Variants in LAPTM5 observed in about 807,000 individuals in gnomAD.
LAPTM5 encodes the protein lysosomal-associated transmembrane protein 5.
Under a neutral mutation model 30.1 loss-of-function variants are expected in LAPTM5, and 11 were observed. The observed-to-expected ratio is 0.37, with a 90% CI of 0.23 to 0.60. The LOEUF is 0.60. LAPTM5 is among the 20% of genes least tolerant of loss of function. The pLI, the probability that LAPTM5 is intolerant of heterozygous loss-of-function variation, is 0.71. For synonymous variants in LAPTM5, 151 were observed against 137.9 expected (o/e 1.10, Z -0.67); for missense variants, 324 against 332.5 (o/e 0.97, Z 0.20).
chr1:30,741,537 T>TTAAAA, intron 3 of LAPTM5, 103 bp downstream of exon 3: 1 of 722,102 alleles, frequency 1.4e-6, no homozygotes, highest in South Asian at 2.4e-5. Flanking sequence ...TGGGACCGCC[T>TTAAAA]AACATACCCG....
At chr1:30,752,437 G>C (rs1190818079) in intron 1 of LAPTM5, among the ~76,000 whole-genome samples, 2 of 152,080 alleles carry the variant, frequency 1.3e-5, no homozygotes, top group African/African-American at 2.4e-5. Context: ...TCCTAACCCA[G>C]CTTGACAAAC....
chr1:30,747,069 G>A (rs984305652), intron 1 of LAPTM5, among the ~76,000 whole-genome samples: 1 of 152,154 alleles, frequency 6.6e-6, no homozygotes, highest in African/African-American at 2.4e-5. Context: ...CCATGACAGA[G>A]GACACGCATG....
At chr1:30,751,128 C>T (rs984123047) in intron 1 of LAPTM5, among the ~76,000 whole-genome samples, 3 of 152,274 alleles carry the variant, frequency 2.0e-5, no homozygotes, top group Non-Finnish European at 4.4e-5. Flanking sequence ...CCAGGCCAGG[C>T]TAGGCCCTTC....
intron 1 of LAPTM5, among the ~76,000 whole-genome samples, chr1:30,744,794 C>G (rs976726103): frequency 1.3e-5 from 2 of 152,064 alleles, no homozygotes; most frequent in African/African-American, 4.8e-5. Context: ...GCCTGAACCC[C>G]GGAGAGGACT....
intron 1 of LAPTM5, among the ~76,000 whole-genome samples, chr1:30,748,265 G>A (rs1297464177): frequency 6.6e-6 from 1 of 152,148 alleles, no homozygotes; most frequent in Non-Finnish European, 1.5e-5. Flanking sequence ...GCCCAGGACA[G>A]AGGCTGCACA....
At chr1:30,734,813 C>T (rs1370031462) in intron 7 of LAPTM5, among the ~76,000 whole-genome samples, 5 of 152,230 alleles carry the variant, frequency 3.3e-5, no homozygotes, top group Non-Finnish European at 1.5e-5. Context: ...TTCCCTGATA[C>T]CTGAGAAGAG....
chr1:30,751,738 C>CAA (rs35757328), intron 1 of LAPTM5, among the ~76,000 whole-genome samples: 1 of 151,092 alleles, frequency 6.6e-6, no homozygotes, highest in African/African-American at 2.4e-5. Context: ...GACTCAGTCT[C>CAA]AAAAAAAAGG....
rs1425771981 is a variant in LAPTM5, at chr1:30,739,103, A to T, written c.388-41T>A. The T allele has an allele frequency of 1.3e-6, 2 of 1,556,330 alleles. No individual in the cohort carries two copies. The highest frequency in any genetic ancestry group is 1.7e-6 in the Non-Finnish European group (2 of 1,149,012). On this transcript the variant is annotated intron_variant, in intron 4 of 7. Coordinates refer to ENST00000294507, the MANE Select transcript of LAPTM5 (RefSeq NM_006762.3). This position sits in a 1 kb window ranked among gnomAD's most constrained non-coding sequence, Gnocchi z 4.2. ...ACAAGGAGGAGGAATGAGGAGCAGCAATTAAAGTCCCAGTTACTGAGCGGC... is the reference window on the plus strand; with the variant it reads ...ACAAGGAGGAGGAATGAGGAGCAGCTATTAAAGTCCCAGTTACTGAGCGGC...
At chr1:30,738,631 T>C (rs1029283074) in intron 5 of LAPTM5, among the ~76,000 whole-genome samples, 1 of 152,194 alleles carries the variant, frequency 6.6e-6, no homozygotes, top group Non-Finnish European at 1.5e-5. Context: ...TAGACAACAA[T>C]AAAAACTGAT....
intron 6 of LAPTM5, 98 bp downstream of exon 6, chr1:30,737,506 A>G (rs1348548377): frequency 2.6e-6 from 2 of 779,164 alleles, no homozygotes; most frequent in Non-Finnish European, 4.4e-6. Flanking sequence ...GGCATGGAGG[A>G]CACATGTCCC....
chr1:30,735,127 C>T (rs774686280), intron 7 of LAPTM5, 46 bp downstream of exon 7: 1 of 1,382,648 alleles, frequency 7.2e-7, no homozygotes, highest in Non-Finnish European at 1.0e-6. Context: ...CCAAATGGCA[C>T]AGGGAGTTAG....
intron 1 of LAPTM5, among the ~76,000 whole-genome samples, chr1:30,747,717 A>T (rs1194873928): frequency 6.6e-6 from 1 of 152,126 alleles, no homozygotes; most frequent in Non-Finnish European, 1.5e-5. Context: ...ATCAGGGAAG[A>T]TGGGGACAAT....
At chr1:30,757,191 A>T (rs72654974) in intron 1 of LAPTM5, among the ~76,000 whole-genome samples, 1 of 152,324 alleles carries the variant, frequency 6.6e-6, no homozygotes, top group Non-Finnish European at 1.5e-5. Context: ...CGAGTGGCCC[A>T]GGCTCCCTCC....
In LAPTM5 at chr1:30,732,928, C is replaced by T. The variant is rs1464034339; in HGVS notation, c.*900G>A. 6.6e-6 allele frequency: 1 copy of T among 152,292 alleles called. No individual in the cohort carries two copies. Among genetic ancestry groups the T allele is most frequent in the Non-Finnish European group, 1.5e-5 (1 of 68,096 alleles). The allele number at this position is 152,292 out of a possible 1,614,324, so 9.4% of individuals were successfully genotyped here. A position where few individuals can be genotyped will look rare whatever the true frequency, so the allele number is the denominator to read the frequency against. On this transcript the variant is annotated 3_prime_UTR_variant, in exon 8 of 8. Transcript: ENST00000294507. ...GACTGGCAGCTCATCACTAAAATGA[C>T]TCCTTTCATGGAATCCACTGTTATG... is the stretch of plus-strand genomic sequence containing the variant.
At chr1:30,749,354 G>T (rs1489146961) in intron 1 of LAPTM5, among the ~76,000 whole-genome samples, 1 of 152,178 alleles carries the variant, frequency 6.6e-6, no homozygotes, top group East Asian at 1.9e-4. Context: ...CGAGGCGGGG[G>T]CTCTAGGGGC....
chr1:30,753,398 G>C (rs1439393465), intron 1 of LAPTM5, among the ~76,000 whole-genome samples: 1 of 152,152 alleles, frequency 6.6e-6, no homozygotes, highest in Non-Finnish European at 1.5e-5. Flanking sequence ...TTACAAAGGA[G>C]TAACCTCAGC....
At chr1:30,757,276 C>G (rs932778985) in intron 1 of LAPTM5, among the ~76,000 whole-genome samples, 1 of 152,228 alleles carries the variant, frequency 6.6e-6, no homozygotes, top group African/African-American at 2.4e-5. Flanking sequence ...AGCCCACGTT[C>G]CTCCCAAGAT....
At chr1:30,751,297 C>T (rs1470181238) in intron 1 of LAPTM5, among the ~76,000 whole-genome samples, 2 of 152,258 alleles carry the variant, frequency 1.3e-5, no homozygotes, top group African/African-American at 4.8e-5. Flanking sequence ...GTGAAGCGCA[C>T]AGAGCTGCAG....
At chr1:30,744,674 G>A (rs1640018670) in intron 1 of LAPTM5, among the ~76,000 whole-genome samples, 1 of 152,080 alleles carries the variant, frequency 6.6e-6, no homozygotes, top group African/African-American at 2.4e-5. Flanking sequence ...GAGAGATTAG[G>A]TGGCTTGCCC....
Sources: allele counts gnomAD v4.1 joint callset (sites outside exome capture counted in the v4.1 genomes callset), GRCh38; gene constraint gnomAD v4.1.1; non-coding constraint Gnocchi (gnomAD v3.1); transcripts MANE v1.5; gene names NCBI Gene and HGNC (gene_info 2026-07-23, HGNC 2026-07-21).